The following VRK2 variants were observed in gnomAD, a reference collection of about 807,000 sequenced individuals.
VRK2 encodes serine/threonine-protein kinase VRK2.
In VRK2, 60 loss-of-function variants were observed where a neutral mutation model predicts 57.6. That is an observed-to-expected ratio of 1.04 (90% CI 0.85 to 1.29). VRK2 has a LOEUF of 1.29. Ranked by LOEUF, VRK2 falls within the 50% of genes most tolerant of loss-of-function variation. VRK2 has a pLI of 0.00. For missense variants in VRK2, 705 were observed against 588.1 expected (o/e 1.20, Z -2.06); for synonymous variants, 231 against 199.2 (o/e 1.16, Z -1.35).
intron 1 of VRK2, among the ~76,000 whole-genome samples, chr2:57,925,254 T>A (rs973502915): frequency 6.6e-6 from 1 of 152,108 alleles, no homozygotes; most frequent in African/African-American, 2.4e-5. Context: ...TCCTGCTCTA[T>A]TTTTTCAAAA....
At chr2:58,002,094 T>G (rs1673107537) in intron 1 of VRK2, among the ~76,000 whole-genome samples, 1 of 152,158 alleles carries the variant, frequency 6.6e-6, no homozygotes, top group African/African-American at 2.4e-5. Context: ...AATGAATTAA[T>G]GAATGAGTGC....
intron 11 of VRK2, among the ~76,000 whole-genome samples, chr2:58,142,863 A>G (rs1681545950): frequency 6.6e-6 from 1 of 151,862 alleles, no homozygotes; most frequent in African/African-American, 2.4e-5. Context: ...TCATATATAC[A>G]ATATACAGTA....
At position 58,086,346 on chromosome 2, in the gene VRK2, G is replaced by C. The variant is rs1433688951; in HGVS notation, c.264G>C (p.Lys88Asn). The C allele has an allele frequency of 6.2e-7, 1 of 1,601,980 alleles. No individual in the cohort carries two copies. The highest frequency in any genetic ancestry group is 1.3e-5 in the African/African-American group (1 of 74,206). The change falls in exon 5 of 13, where the codon AAG becomes AAC. Residue 88 changes from lysine to asparagine, a missense_variant. By Grantham distance (94) the Lys-to-Asn change is moderately conservative (BLOSUM62 0). Transcript: ENST00000340157. The part of the protein sequence containing the change: ...QRVAKKDCIK[K>N]WIERKQLDYL... ...ATAAATTTGTCTTTGTAGTCAAAAA[G>C]TGGATAGAACGCAAACAACTTGATT...
intron 1 of VRK2, among the ~76,000 whole-genome samples, chr2:57,991,422 T>A (rs781008025): frequency 4.0e-5 from 6 of 150,964 alleles, no homozygotes; most frequent in African/African-American, 1.5e-4. Context: ...TCGTGAAGAA[T>A]CTGGATATAG....
chr2:57,932,685 A>G (rs1209963640), intron 1 of VRK2, among the ~76,000 whole-genome samples: 2 of 151,726 alleles, frequency 1.3e-5, no homozygotes, highest in Non-Finnish European at 2.9e-5. Flanking sequence ...TACGTGATTT[A>G]TTTCTGCTCT....
chr2:58,086,621 G>C (rs1296707323), intron 5 of VRK2, among the ~76,000 whole-genome samples, 195 bp downstream of exon 5: 1 of 152,150 alleles, frequency 6.6e-6, no homozygotes, highest in African/African-American at 2.4e-5. Context: ...CTCTAATAAG[G>C]ATATGTAGTC....
chr2:58,029,807 G>C (rs1003667618), intron 2 of VRK2, among the ~76,000 whole-genome samples: 1 of 152,056 alleles, frequency 6.6e-6, no homozygotes, highest in African/African-American at 2.4e-5. Context: ...TCTAGATGAA[G>C]AAGGCACATT....
chr2:58,004,515 G>A (rs2103631673), intron 1 of VRK2, among the ~76,000 whole-genome samples: 1 of 152,246 alleles, frequency 6.6e-6, no homozygotes, highest in South Asian at 2.1e-4. Flanking sequence ...AATAATGAGT[G>A]ATGTTTGAAA....
chr2:58,112,261 A>G (rs1675679534), intron 7 of VRK2, among the ~76,000 whole-genome samples: 1 of 152,214 alleles, frequency 6.6e-6, no homozygotes, highest in Admixed American at 6.5e-5. Flanking sequence ...AACCAGTGCT[A>G]CCAGGCTGGA....
chr2:58,047,004 T>G (rs1162024039), intron 1 of VRK2, 136 bp downstream of exon 1: 1 of 979,062 alleles, frequency 1.0e-6, no homozygotes, highest in Admixed American at 6.1e-5. Flanking sequence ...CCCCCGGGCC[T>G]CAGCTCCGGC....
chr2:58,079,494 ATATCT>A (rs1362492886), intron 2 of VRK2, among the ~76,000 whole-genome samples: 1 of 152,100 alleles, frequency 6.6e-6, no homozygotes, highest in African/African-American at 2.4e-5. Flanking sequence ...TTTCTTCTAC[ATATCT>A]TAATTTATAT....
intron 8 of VRK2, among the ~76,000 whole-genome samples, chr2:58,125,736 TTACA>T (rs1678243332): frequency 6.6e-6 from 1 of 152,050 alleles, no homozygotes; most frequent in Non-Finnish European, 1.5e-5. Context: ...GATATACACA[TTACA>T]TATATATGCA....
intron 1 of VRK2, among the ~76,000 whole-genome samples, chr2:57,967,585 T>C (rs1671963381): frequency 1.3e-5 from 2 of 152,196 alleles, no homozygotes; most frequent in South Asian, 4.1e-4. Context: ...AAAACAAAAA[T>C]CTTGCGTGAG....
In VRK2 at chr2:57,927,230, T is replaced by A. The variant is rs556445197; in HGVS notation, c.-439+19391T>A. On this transcript the variant is annotated intron_variant, in intron 1 of 15. Coordinates refer to the VRK2 transcript ENST00000417641. ...TTTATATTTTATTGTATTGCCTATG[T>A]CTTGAAAAGTTGTTGTAGCTATTAT... is the stretch of plus-strand genomic sequence containing the variant. Among the ~76,000 whole-genome samples, 5 of 152,144 alleles carry A rather than the reference T, an allele frequency of 3.3e-5. No individual in the cohort carries two copies. In the East Asian group the frequency reaches 9.6e-4, roughly 29 times the overall value.
chr2:57,911,860 C>G (rs1345218020), intron 1 of VRK2, among the ~76,000 whole-genome samples: 2 of 152,138 alleles, frequency 1.3e-5, no homozygotes. Flanking sequence ...AGCAAAACAG[C>G]AGGGCTTGTC....
chr2:57,958,470 T>C lies in VRK2; in HGVS notation c.-439+50631T>C, dbSNP rs115728925. 6.7e-3 allele frequency among the ~76,000 whole-genome samples: 1,014 copies of C among 151,534 alleles called. 12 individuals are homozygous for C. The highest frequency in any genetic ancestry group is 0.02 in the African/African-American group (830 of 41,350). On this transcript the variant is annotated intron_variant, in intron 1 of 15. Coordinates refer to the VRK2 transcript ENST00000417641. ...ATTTGTATATATATACATGTATATA[T>C]ACACACACACATATATCATATATGT...
chr2:58,060,797 A>T (rs1040237825), intron 2 of VRK2, among the ~76,000 whole-genome samples: 5 of 151,804 alleles, frequency 3.3e-5, no homozygotes, highest in Non-Finnish European at 7.4e-5. Flanking sequence ...AGTATTATTT[A>T]AGGAAGGGAG....
At chr2:57,922,454 TTGTG>T (rs59731064) in intron 1 of VRK2, among the ~76,000 whole-genome samples, 15,886 of 146,980 alleles carry the variant, frequency 0.11, 1,516 homozygotes, top group African/African-American at 0.26. Context: ...AGTTACCTTC[TTGTG>T]TGTGTGTGTG....
intron 1 of VRK2, among the ~76,000 whole-genome samples, chr2:57,988,442 C>T (rs1008901409): frequency 6.6e-6 from 1 of 152,140 alleles, no homozygotes; most frequent in Non-Finnish European, 1.5e-5. Context: ...GCTAATAAAA[C>T]ATTATTTCTG....
Sources: gnomAD v4.1 joint callset for allele counts (sites outside exome capture counted in the v4.1 genomes callset) on GRCh38, gnomAD v4.1.1 for gene constraint, MANE v1.5 for transcripts, NCBI Gene and HGNC (gene_info 2026-07-23, HGNC 2026-07-21) for gene names.